The following CPEB4 variants were observed in gnomAD, a reference collection of about 807,000 sequenced individuals.
CPEB4 encodes cytoplasmic polyadenylation element binding protein 4.
CPEB4 carries 12 observed loss-of-function variants against 72.5 expected under a neutral mutation model. The ratio of observed to expected loss-of-function variants is 0.17; its 90% CI spans 0.11 to 0.27. The LOEUF (loss-of-function observed/expected upper bound fraction) is 0.27, where lower values mean the gene tolerates loss of function less well. CPEB4 is among the 10% of genes least tolerant of loss of function. The probability of loss-of-function intolerance (pLI) is 1.00; values close to 1 mark genes in which losing one functional copy is unlikely to be tolerated. For missense variants in CPEB4, 614 were observed against 908.5 expected, an observed-to-expected ratio of 0.68 and a Z score of 4.17; for synonymous variants, 302 against 326.3, an observed-to-expected ratio of 0.93 and a Z score of 0.80.
intron 2 of CPEB4, chr5:173,918,227 A>AG (rs1756949620): frequency 1.3e-5 from 2 of 152,400 alleles, no homozygotes; most frequent in South Asian, 4.1e-4. Context: ...GCTGTGCTGT[A>AG]GGATGGGACC....
At chr5:173,938,367 A>G (rs1274405347) in intron 3 of CPEB4, among the ~76,000 whole-genome samples, 1 of 152,212 alleles carries the variant, frequency 6.6e-6, no homozygotes, top group Non-Finnish European at 1.5e-5. Context: ...CTGCGATTAC[A>G]GGCATGTGCC....
intron 4 of CPEB4, among the ~76,000 whole-genome samples, chr5:173,944,299 G>A (rs1561629542): frequency 6.6e-6 from 1 of 151,916 alleles, no homozygotes; most frequent in Non-Finnish European, 1.5e-5. Context: ...AAAAATGAGT[G>A]GTCACTTTAA....
At chr5:173,928,994 C>G (rs1330102884) in intron 2 of CPEB4, among the ~76,000 whole-genome samples, 1 of 152,200 alleles carries the variant, frequency 6.6e-6, no homozygotes, top group African/African-American at 2.4e-5. Context: ...GTGTTTGCTA[C>G]TAGAGACCAC....
intron 2 of CPEB4, among the ~76,000 whole-genome samples, chr5:173,929,046 G>A (rs774662018): frequency 1.1e-4 from 16 of 152,058 alleles, no homozygotes; most frequent in African/African-American, 2.4e-4. Context: ...TCACAAGGCC[G>A]GATCAAAAAA....
rs11322497 is a variant in CPEB4 at position 173,930,990 on chromosome 5, C to CA, written c.1208-1440dup. ...TTGGAGACAGAGTGAGACTCTGTCT[C>CA]AAAAAAAAAAAAAAAAAAAATTGTA... On this transcript the variant is annotated intron_variant, in intron 2 of 9. Coordinates refer to ENST00000265085, the MANE Select transcript of CPEB4 (RefSeq NM_030627.4). Among the ~76,000 whole-genome samples, 672 of 80,046 alleles carry CA rather than the reference C, an allele frequency of 8.4e-3. 3 individuals carry two copies. Among genetic ancestry groups the CA allele is most frequent in the African/African-American group, 0.027 (571 of 21,352 alleles). The allele number at this position is 80,046 out of a possible 152,430, so 52.5% of individuals were successfully genotyped here.
chr5:173,949,642 T>TAAACAATGTAA, intron 6 of CPEB4, 45 bp downstream of exon 6: 1 of 1,294,560 alleles, frequency 7.7e-7, no homozygotes. Context: ...ATTCTTACAT[T>TAAACAATGTAA]GTTTAATGTG....
At chr5:173,940,397 G>T (rs1757796186) in intron 3 of CPEB4, among the ~76,000 whole-genome samples, 2 of 152,202 alleles carry the variant, frequency 1.3e-5, no homozygotes, top group Admixed American at 1.3e-4. Flanking sequence ...GGCAATACTT[G>T]CTAGTCATGA....
At chr5:173,920,439 A>G (rs1161076011) in intron 2 of CPEB4, among the ~76,000 whole-genome samples, 2 of 152,254 alleles carry the variant, frequency 1.3e-5, no homozygotes, top group African/African-American at 4.8e-5. Flanking sequence ...TAATATTCCA[A>G]ATAATAAATG....
At chr5:173,916,264 T>A (rs1756863376) in intron 2 of CPEB4, among the ~76,000 whole-genome samples, 1 of 152,230 alleles carries the variant, frequency 6.6e-6, no homozygotes, top group Non-Finnish European at 1.5e-5. Flanking sequence ...GTAGAATATA[T>A]GTTGCTTTCA....
chr5:173,898,348 C>G (rs535328398), intron 1 of CPEB4, among the ~76,000 whole-genome samples: 1 of 152,056 alleles, frequency 6.6e-6, no homozygotes, highest in Non-Finnish European at 1.5e-5. Context: ...GAACGTGACT[C>G]AGAATATTCA....
Position 173,956,207 on chromosome 5 carries a change from T to A in CPEB4, c.*70T>A. 8.4e-7 allele frequency: 1 copy of A among 1,184,512 alleles called. No homozygotes were observed. Among genetic ancestry groups the A allele is most frequent in the Non-Finnish European group, 1.3e-6 (1 of 798,024 alleles). The allele number at this position is 1,184,512 out of a possible 1,614,324, so 73.4% of individuals were successfully genotyped here. A position where few individuals can be genotyped will look rare whatever the true frequency, so the allele number is the denominator to read the frequency against. ...TCTTCTGTTCATTCTGACCCCTTCC[T>A]CAACCTCTTCACGCTGGCATGTCCT... On this transcript the variant is annotated 3_prime_UTR_variant, in exon 10 of 10. Coordinates refer to ENST00000265085, the MANE Select transcript of CPEB4 (RefSeq NM_030627.4).
intron 2 of CPEB4, among the ~76,000 whole-genome samples, chr5:173,923,260 T>C (rs1757132293): frequency 6.6e-6 from 1 of 152,212 alleles, no homozygotes; most frequent in Non-Finnish European, 1.5e-5. Flanking sequence ...AATGCAACTT[T>C]TTATCAGTGT....
chr5:173,934,977 T>C (rs1171745809), intron 3 of CPEB4, among the ~76,000 whole-genome samples: 2 of 152,202 alleles, frequency 1.3e-5, no homozygotes, highest in Non-Finnish European at 2.9e-5. Flanking sequence ...TGGGGGTACC[T>C]GTATTGCAAA....
At chr5:173,904,271 G>A (rs62376952) in intron 1 of CPEB4, among the ~76,000 whole-genome samples, 17,520 of 152,138 alleles carry the variant, frequency 0.12, 1,382 homozygotes, top group Non-Finnish European at 0.16. Context: ...TTGTATCAGG[G>A]TTTTGTGAAG....
At chr5:173,910,489 T>G (rs377449359) in intron 1 of CPEB4, 34 bp from the exon 2 acceptor site, 2 of 1,480,172 alleles carry the variant, frequency 1.4e-6, no homozygotes, top group African/African-American at 2.8e-5. Context: ...AAATGCTATT[T>G]TAAAAAGTGG....
intron 5 of CPEB4, 44 bp from the exon 6 acceptor site, chr5:173,949,464 C>G (rs753133716): frequency 7.2e-7 from 1 of 1,387,218 alleles, no homozygotes; most frequent in South Asian, 1.2e-5. Context: ...AAAAAATGAT[C>G]ATAAAAATAT....
chr5:173,954,621 C>T (rs1322992490), intron 9 of CPEB4, among the ~76,000 whole-genome samples: 1 of 152,162 alleles, frequency 6.6e-6, no homozygotes, highest in Non-Finnish European at 1.5e-5. Flanking sequence ...GATCCACCTG[C>T]CTCACCCCCT....
In CPEB4 at chr5:173,960,765, C is replaced by A. The variant is rs1046159970; in HGVS notation, c.*4628C>A. ...ACTACCAAAGGGCTTGAAAACAAGTCTCTTTTGACTTCCAATTCCCAGTTC... is the reference window on the plus strand; with the variant it reads ...ACTACCAAAGGGCTTGAAAACAAGTATCTTTTGACTTCCAATTCCCAGTTC... On this transcript the variant is annotated 3_prime_UTR_variant, in exon 10 of 10. Transcript: ENST00000265085. The A allele has an allele frequency of 2.0e-5, 3 of 152,198 alleles. No individual in the cohort carries two copies. The highest frequency in any genetic ancestry group is 7.2e-5 in the African/African-American group (3 of 41,436). 9.4% of individuals were successfully genotyped at this position (152,198 alleles called of 1,614,324 possible).
At position 173,960,911 on chromosome 5, in the gene CPEB4, G is replaced by A. The variant is rs1030801411; in HGVS notation, c.*4774G>A. The A allele has an allele frequency of 1.3e-5, 2 of 152,224 alleles. No homozygotes were observed. Among genetic ancestry groups the A allele is most frequent in the African/African-American group, 4.8e-5 (2 of 41,462 alleles). The allele number at this position is 152,224 out of a possible 1,614,324, so 9.4% of individuals were successfully genotyped here. On this transcript the variant is annotated 3_prime_UTR_variant, in exon 10 of 10. Transcript: ENST00000265085. Reference sequence around the variant, plus strand: ...CATGTGGACTACCAAGTGCTGTAATGTGTTAGTATTTATATTTTAAACTGC... The same window carrying A: ...CATGTGGACTACCAAGTGCTGTAATATGTTAGTATTTATATTTTAAACTGC...
Sources: allele counts gnomAD v4.1 joint callset (sites outside exome capture counted in the v4.1 genomes callset), GRCh38; gene constraint gnomAD v4.1.1; transcripts MANE v1.5; gene names NCBI Gene and HGNC (gene_info 2026-07-23, HGNC 2026-07-21).